ZNF331: variants seen among roughly 807,000 people sequenced by gnomAD.
ZNF331 encodes the protein zinc finger protein 331.
ZNF331 carries 2 observed loss-of-function variants against 7.0 expected under a neutral mutation model. The observed-to-expected ratio is 0.29, with a 90% CI of 0.12 to 0.90. ZNF331 has a LOEUF of 0.90. ZNF331 is among the 40% of genes least tolerant of loss of function. ZNF331 has a pLI of 0.58. For synonymous variants in ZNF331, 196 were observed against 205.4 expected, an observed-to-expected ratio of 0.95 and a Z score of 0.39; for missense variants, 432 against 587.7, an observed-to-expected ratio of 0.74 and a Z score of 2.74.
chr19:53,556,284 G>A (rs1020198363), intron 3 of ZNF331, among the ~76,000 whole-genome samples: 1 of 149,312 alleles, frequency 6.7e-6, no homozygotes, highest in African/African-American at 2.5e-5. Context: ...TGAATTAGAC[G>A]TTTTGTAAAT....
rs2090444749 is a variant in ZNF331, at chr19:53,571,508, A to G, written c.10-96A>G. The G allele has an allele frequency of 6.6e-7, 1 of 1,511,584 alleles. No individual in the cohort carries two copies. Among genetic ancestry groups the G allele is most frequent in the Non-Finnish European group, 9.0e-7 (1 of 1,113,752 alleles). 93.6% of individuals were successfully genotyped at this position (1,511,584 alleles called of 1,614,324 possible). On this transcript the variant is annotated intron_variant, in intron 4 of 5. Transcript: ENST00000449416. This position sits in a 1 kb window ranked among gnomAD's most constrained non-coding sequence, Gnocchi z 4.7. ...GATGTCACGGGTGTTCAGTCTGCTC[A>G]CGGTGTTCACCCTACCCAGAGGGTG...
At position 53,579,448 on chromosome 19, in the gene ZNF331, A is replaced by G. The variant is rs2090848549; in HGVS notation, c.*1496A>G. On this transcript the variant is annotated 3_prime_UTR_variant, in exon 6 of 6. Transcript: ENST00000449416. ...ACACTATGTGCATTATTTGTACATA[A>G]GGATAATCACATCTACCTGAGACTG... 1 of 215,606 alleles carries G rather than the reference A, an allele frequency of 4.6e-6. No homozygotes were observed. Among genetic ancestry groups the G allele is most frequent in the Non-Finnish European group, 9.4e-6 (1 of 106,678 alleles). The allele number at this position is 215,606 out of a possible 1,614,324, so 13.4% of individuals were successfully genotyped here. A position where few individuals can be genotyped will look rare whatever the true frequency, so the allele number is the denominator to read the frequency against.
In ZNF331 at chr19:53,558,934, A is replaced by G. The variant is rs940767148; in HGVS notation, c.-74+3026A>G. 8.5e-6 allele frequency among the ~76,000 whole-genome samples: 1 copy of G among 117,052 alleles called. No homozygotes were observed. Among genetic ancestry groups the G allele is most frequent in the Admixed American group, 7.8e-5 (1 of 12,788 alleles). 76.8% of individuals were successfully genotyped at this position (117,052 alleles called of 152,430 possible). A position where few individuals can be genotyped will look rare whatever the true frequency, so the allele number is the denominator to read the frequency against. On this transcript the variant is annotated intron_variant, in intron 3 of 5. Coordinates refer to ENST00000449416, the MANE Select transcript of ZNF331 (RefSeq NM_001079906.2). The surrounding 1 kb of genome is among the most constrained non-coding windows in gnomAD (Gnocchi z 4.5). ...CCTACATATATACACACACATACAC[A>G]CCATACACACATATACACATACCAT... is the stretch of plus-strand genomic sequence containing the variant.
At chr19:53,507,872 C>A in the ZNF331 span, among the ~76,000 whole-genome samples, 394 of 152,266 alleles carry the variant, frequency 2.6e-3, 3 homozygotes, top group Non-Finnish European at 1.6e-3. Flanking sequence ...TAGTGGCAGG[C>A]ACCTGTGATC....
chr19:53,514,359 C>T, the ZNF331 span, among the ~76,000 whole-genome samples: 7 of 152,032 alleles, frequency 4.6e-5, no homozygotes, highest in East Asian at 3.9e-4. Context: ...CCACCACACC[C>T]GGCAAATTTT....
rs979347034 is a variant in ZNF331 at position 53,560,159 on chromosome 19, C to T, written c.-74+4251C>T. On this transcript the variant is annotated intron_variant, in intron 3 of 5. Transcript: ENST00000449416. The surrounding 1 kb of genome is among the most constrained non-coding windows in gnomAD (Gnocchi z 4.3). ...TATATATACACACATATATACACAT[C>T]CACACCATATATACACACACCATAC... is the stretch of plus-strand genomic sequence containing the variant. 1.3e-5 allele frequency among the ~76,000 whole-genome samples: 2 copies of T among 149,074 alleles called. No individual in the cohort carries two copies. The highest frequency in any genetic ancestry group is 3.0e-5 in the Non-Finnish European group (2 of 67,234).
chr19:53,571,808 C>A lies in ZNF331; in HGVS notation c.136+78C>A. 1 of 1,505,654 alleles carries A rather than the reference C, an allele frequency of 6.6e-7. No individual in the cohort carries two copies. Among genetic ancestry groups the A allele is most frequent in the Non-Finnish European group, 8.9e-7 (1 of 1,123,238 alleles). The allele number at this position is 1,505,654 out of a possible 1,614,324, so 93.3% of individuals were successfully genotyped here. ...CCCTGTGAATTTCAGGACCGCCTTT[C>A]AAGAAACTAGTTGAATTTCTTCTTC... On this transcript the variant is annotated intron_variant, in intron 5 of 5. Coordinates refer to ENST00000449416, the MANE Select transcript of ZNF331 (RefSeq NM_001079906.2). The surrounding 1 kb of genome is among the most constrained non-coding windows in gnomAD (Gnocchi z 4.7).
intron 5 of ZNF331, among the ~76,000 whole-genome samples, chr19:53,576,211 C>G (rs933008683): frequency 6.6e-6 from 1 of 151,768 alleles, no homozygotes; most frequent in East Asian, 1.9e-4. Context: ...CTCGGACTCC[C>G]GACCTCAGGT....
At chr19:53,559,068 G>A (rs991566836) in intron 3 of ZNF331, among the ~76,000 whole-genome samples, 15 of 134,378 alleles carry the variant, frequency 1.1e-4, no homozygotes, top group African/African-American at 2.9e-4. Context: ...AACACACCCC[G>A]TATACACACA....
intron 3 of ZNF331, among the ~76,000 whole-genome samples, chr19:53,563,085 AC>A (rs1158280740): frequency 1.1e-4 from 15 of 135,202 alleles, no homozygotes; most frequent in East Asian, 2.5e-4. Flanking sequence ...TGGATTCCAC[AC>A]CCCCCCACCC....
In ZNF331 at chr19:53,560,856, A is replaced by C. The variant is rs1225819670; in HGVS notation, c.-74+4948A>C. 6.6e-6 allele frequency among the ~76,000 whole-genome samples: 1 copy of C among 152,188 alleles called. No homozygotes were observed. Among genetic ancestry groups the C allele is most frequent in the Non-Finnish European group, 1.5e-5 (1 of 68,038 alleles). ...AACTCAAGAGAATCTTCCGTATGTTAGAGGCAGCCGATTAGCCATTTTAAG... is the reference window on the plus strand; with the variant it reads ...AACTCAAGAGAATCTTCCGTATGTTCGAGGCAGCCGATTAGCCATTTTAAG... On this transcript the variant is annotated intron_variant, in intron 3 of 5. Transcript: ENST00000449416. This position sits in a 1 kb window ranked among gnomAD's most constrained non-coding sequence, Gnocchi z 4.3.
At chr19:53,551,695 C>T (rs1282198008) in intron 2 of ZNF331, among the ~76,000 whole-genome samples, 1 of 152,148 alleles carries the variant, frequency 6.6e-6, no homozygotes, top group Non-Finnish European at 1.5e-5. Flanking sequence ...CAGATGCTAA[C>T]ATCTGTATTG....
intron 3 of ZNF331, among the ~76,000 whole-genome samples, chr19:53,556,862 G>A (rs892500014): frequency 6.6e-6 from 1 of 151,788 alleles, no homozygotes; most frequent in Non-Finnish European, 1.5e-5. Context: ...TTGGAGTGCA[G>A]TGGCACAATC....
At chr19:53,535,083 CTTAT>C (rs1233220306), upstream of ZNF331, among the ~76,000 whole-genome samples, 1 of 150,558 alleles carries the variant, frequency 6.6e-6, no homozygotes, top group African/African-American at 2.4e-5. Flanking sequence ...AAAAATTACC[CTTAT>C]TTATTTATTT....
chr19:53,573,419 G>A lies in ZNF331; in HGVS notation c.136+1689G>A, dbSNP rs2090557469. Among the ~76,000 whole-genome samples the A allele has an allele frequency of 6.6e-6, 1 of 152,080 alleles. No homozygotes were observed. The highest frequency in any genetic ancestry group is 1.5e-5 in the Non-Finnish European group (1 of 68,008). On this transcript the variant is annotated intron_variant, in intron 5 of 5. Transcript: ENST00000449416. This position sits in a 1 kb window ranked among gnomAD's most constrained non-coding sequence, Gnocchi z 4.2. ...AATTCCAGCTACTTGGGAGGCTGAG[G>A]CAGGAGAATCACTTGAACCCGGGAG...
chr19:53,556,767 A>T lies in ZNF331; in HGVS notation c.-74+859A>T, dbSNP rs535689284. ...ATCTTCCCACCCCAGCCTCCCAAGT[A>T]GCTGGGGCTACTGGTGTGTGCCACC... is the stretch of plus-strand genomic sequence containing the variant. On this transcript the variant is annotated intron_variant, in intron 3 of 5. Transcript: ENST00000449416. 1.3e-3 allele frequency among the ~76,000 whole-genome samples: 203 copies of T among 152,134 alleles called. 2 individuals carry two copies. Among genetic ancestry groups the T allele is most frequent in the African/African-American group, 3.8e-3 (157 of 41,540 alleles).
intron 5 of ZNF331, among the ~76,000 whole-genome samples, chr19:53,572,827 C>G (rs1370407832): frequency 6.6e-6 from 1 of 151,988 alleles, no homozygotes; most frequent in Non-Finnish European, 1.5e-5. Flanking sequence ...GGAGCAGGAG[C>G]TAGAATCAGA....
intron 2 of ZNF331, among the ~76,000 whole-genome samples, chr19:53,547,645 A>G (rs1395172104): frequency 6.6e-6 from 1 of 152,232 alleles, no homozygotes; most frequent in Non-Finnish European, 1.5e-5. Context: ...CCAACAGTGT[A>G]TAAGGGTCCT....
intron 3 of ZNF331, among the ~76,000 whole-genome samples, chr19:53,563,384 C>G (rs1185790665): frequency 6.6e-6 from 1 of 152,118 alleles, no homozygotes; most frequent in Non-Finnish European, 1.5e-5. Flanking sequence ...CCGCACCCAG[C>G]CAAGCTGGAT....
Sources: allele counts gnomAD v4.1 joint callset (sites outside exome capture counted in the v4.1 genomes callset), GRCh38; gene constraint gnomAD v4.1.1; non-coding constraint Gnocchi (gnomAD v3.1); transcripts MANE v1.5; gene names NCBI Gene and HGNC (gene_info 2026-07-23, HGNC 2026-07-21).